HAO1: variants seen among roughly 807,000 people sequenced by gnomAD.
HAO1 encodes the protein 2-Hydroxyacid oxidase 1.
HAO1 carries 34 observed loss-of-function variants against 39.7 expected under a neutral mutation model. The ratio of observed to expected loss-of-function variants is 0.86; its 90% CI spans 0.65 to 1.14. The LOEUF (loss-of-function observed/expected upper bound fraction) is 1.14. HAO1 is among the 50% of genes most tolerant of loss of function. The pLI, the probability that HAO1 is intolerant of heterozygous loss-of-function variation, is 0.00. For missense variants in HAO1, 479 were observed against 464.5 expected (o/e 1.03, Z -0.29); for synonymous variants, 172 against 173.2 (o/e 0.99, Z 0.05).
chr20:7,896,929 T>C (rs994007701), intron 4 of HAO1, among the ~76,000 whole-genome samples: 10 of 152,194 alleles, frequency 6.6e-5, no homozygotes, highest in African/African-American at 2.2e-4. Context: ...TCTTCTTCTG[T>C]CTGAGTTGAA....
chr20:7,926,618 A>G (rs1412734464), intron 2 of HAO1, among the ~76,000 whole-genome samples: 4 of 152,156 alleles, frequency 2.6e-5, no homozygotes, highest in Non-Finnish European at 4.4e-5. Flanking sequence ...TTCAACAGCT[A>G]AAACTCTCAC....
At chr20:7,919,568 A>G (rs903845893) in intron 2 of HAO1, among the ~76,000 whole-genome samples, 1 of 152,186 alleles carries the variant, frequency 6.6e-6, no homozygotes, top group South Asian at 2.1e-4. Flanking sequence ...AATGGATTGA[A>G]AGCCTGTCCT....
At chr20:7,926,810 A>G (rs973521219) in intron 2 of HAO1, among the ~76,000 whole-genome samples, 1 of 152,094 alleles carries the variant, frequency 6.6e-6, no homozygotes, top group African/African-American at 2.4e-5. Context: ...TGGCCCATCA[A>G]ATCCAGTGTG....
chr20:7,917,339 CAA>C (rs55848354), intron 2 of HAO1, among the ~76,000 whole-genome samples: 14 of 62,374 alleles, frequency 2.2e-4, no homozygotes, highest in East Asian at 4.5e-4. Flanking sequence ...GACTCCCTGT[CAA>C]AAAAAAAAAA....
intron 1 of HAO1, 125 bp downstream of exon 1, chr20:7,940,160 TC>T: frequency 1.5e-6 from 1 of 685,352 alleles, no homozygotes; most frequent in Non-Finnish European, 2.2e-6. Flanking sequence ...CAAGAACTTT[TC>T]CCTCTCTACT....
At chr20:7,905,730 G>A (rs1022377093) in intron 4 of HAO1, among the ~76,000 whole-genome samples, 4 of 152,148 alleles carry the variant, frequency 2.6e-5, no homozygotes, top group African/African-American at 9.7e-5. Context: ...TTGTACTGGA[G>A]GGAGCACAAG....
intron 5 of HAO1, among the ~76,000 whole-genome samples, chr20:7,892,851 CTAGT>C (rs1341467953): frequency 2.0e-5 from 3 of 151,942 alleles, no homozygotes; most frequent in Non-Finnish European, 4.4e-5. Context: ...TTATATGATG[CTAGT>C]TACTTTGCCT....
At chr20:7,938,037 C>T (rs2235244) in intron 1 of HAO1, among the ~76,000 whole-genome samples, 2 of 151,844 alleles carry the variant, frequency 1.3e-5, no homozygotes, top group South Asian at 2.1e-4. Context: ...GTTGTACTTG[C>T]GAGATGGGGA....
In HAO1 at chr20:7,928,893, T is replaced by C. The variant is rs141674330; in HGVS notation, c.289+5591A>G. On this transcript the variant is annotated intron_variant, in intron 2 of 7. Coordinates refer to ENST00000378789, the MANE Select transcript of HAO1 (RefSeq NM_017545.3). The stretch of plus-strand genomic sequence containing the variant: ...TTGCCCACATTTAAAAACCAGGAGA[T>C]TGTACATAGAAATCAAGATTTCTGG... 4.0e-3 allele frequency among the ~76,000 whole-genome samples: 607 copies of C among 152,134 alleles called. 6 individuals are homozygous for C. The highest frequency in any genetic ancestry group is 0.014 in the African/African-American group (568 of 41,510).
Position 7,885,578 on chromosome 20 carries a change from C to A in HAO1, c.985G>T (p.Val329Phe), listed in dbSNP as rs1039166682. The A allele has an allele frequency of 2.4e-5, 39 of 1,610,744 alleles. No individual in the cohort carries two copies. Among genetic ancestry groups the A allele is most frequent in the Non-Finnish European group, 3.2e-5 (38 of 1,177,150 alleles). Residue 329 changes from valine to phenylalanine, a missense_variant, in exon 7 of 8, where the codon GTT (valine) becomes TTT (phenylalanine). Coordinates refer to ENST00000378789, the MANE Select transcript of HAO1 (RefSeq NM_017545.3). The stretch of plus-strand genomic sequence containing the variant: ...TTTAGTATCTCGAGGACATCTTGAA[C>A]ACCTTTCTCCCCCTAACCAAGTGAA... ...WGLAFQGEKG[V>F]QDVLEILKEE...
intron 1 of HAO1, among the ~76,000 whole-genome samples, chr20:7,934,855 A>G (rs977408706): frequency 6.6e-6 from 1 of 152,246 alleles, no homozygotes; most frequent in Non-Finnish European, 1.5e-5. Flanking sequence ...ATTATTTATT[A>G]AAGTATAACT....
intron 3 of HAO1, among the ~76,000 whole-genome samples, chr20:7,909,360 CATAT>C (rs749171756): frequency 2.8e-5 from 3 of 109,090 alleles, no homozygotes; most frequent in Admixed American, 9.1e-5. Context: ...CGGATTATGA[CATAT>C]ATATATATAT....
intron 4 of HAO1, among the ~76,000 whole-genome samples, chr20:7,900,754 A>G (rs910402514): frequency 3.9e-5 from 6 of 152,148 alleles, no homozygotes; most frequent in African/African-American, 1.4e-4. Flanking sequence ...CTAAGCGCTC[A>G]AGGAAGAGTC....
At position 7,906,222 on chromosome 20, in the gene HAO1, C is replaced by A. The variant is rs142998832; in HGVS notation, c.653G>T (p.Ser218Ile). Reference sequence around the variant, plus strand: ...TCTCAGCCATTTGATATCTTCCCAGCTGATAGATGGGTCTATTGCTTTAGC... The same window carrying A: ...TCTCAGCCATTTGATATCTTCCCAGATGATAGATGGGTCTATTGCTTTAGC... ...YVAKAIDPSI[S>I]WEDIKWLRRL... The change falls in exon 4 of 8, where the codon AGC (serine) becomes ATC (isoleucine). Residue 218 changes from serine to isoleucine, a missense_variant. Physicochemically the swap from Ser to Ile is moderately radical, Grantham distance 142. Transcript: ENST00000378789. 1.9e-6 allele frequency: 3 copies of A among 1,612,466 alleles called. No homozygotes were observed. Among genetic ancestry groups the A allele is most frequent in the Non-Finnish European group, 2.5e-6 (3 of 1,178,676 alleles).
intron 2 of HAO1, among the ~76,000 whole-genome samples, chr20:7,930,904 A>C (rs996557968): frequency 3.3e-5 from 5 of 151,954 alleles, no homozygotes; most frequent in Non-Finnish European, 7.4e-5. Flanking sequence ...AGCACCATCT[A>C]CTCCAGCCAT....
At chr20:7,923,684 C>G (rs904331742) in intron 2 of HAO1, among the ~76,000 whole-genome samples, 4 of 152,118 alleles carry the variant, frequency 2.6e-5, no homozygotes, top group African/African-American at 9.7e-5. Flanking sequence ...TCATCCCAGG[C>G]TCTGATCAGG....
At chr20:7,907,334 G>A (rs1174924753) in intron 3 of HAO1, among the ~76,000 whole-genome samples, 1 of 152,130 alleles carries the variant, frequency 6.6e-6, no homozygotes, top group Non-Finnish European at 1.5e-5. Flanking sequence ...GGAGGCATTA[G>A]GGATGTTGAA....
chr20:7,894,784 C>T (rs1250176087), intron 5 of HAO1, among the ~76,000 whole-genome samples: 1 of 152,156 alleles, frequency 6.6e-6, no homozygotes, highest in Admixed American at 6.6e-5. Flanking sequence ...TCTGTTAGCT[C>T]ATGTCCTTGG....
At chr20:7,929,869 A>T (rs560596355) in intron 2 of HAO1, among the ~76,000 whole-genome samples, 1 of 152,192 alleles carries the variant, frequency 6.6e-6, no homozygotes, top group Non-Finnish European at 1.5e-5. Flanking sequence ...TCTCAAAAAA[A>T]TAAGAGTCGA....
Sources: gnomAD v4.1 joint callset for allele counts (sites outside exome capture counted in the v4.1 genomes callset) on GRCh38, gnomAD v4.1.1 for gene constraint, MANE v1.5 for transcripts, NCBI Gene and HGNC (gene_info 2026-07-23, HGNC 2026-07-21) for gene names.